Variants in PHLPP1 observed in about 807,000 individuals in gnomAD.
PHLPP1 encodes PH domain and leucine rich repeat protein phosphatase 1.
A neutral mutation model predicts 117.2 loss-of-function variants in PHLPP1; 42 were observed. That is an observed-to-expected ratio of 0.36 (90% CI 0.28 to 0.46). The LOEUF (loss-of-function observed/expected upper bound fraction) is 0.46. PHLPP1 is among the 20% of genes least tolerant of loss of function. The pLI, the probability that PHLPP1 is intolerant of heterozygous loss-of-function variation, is 1.00. For synonymous variants in PHLPP1, 1,042 were observed against 970.7 expected, an observed-to-expected ratio of 1.07 and a Z score of -1.37; for missense variants, 2,084 against 2,241.9, an observed-to-expected ratio of 0.93 and a Z score of 1.42.
At chr18:62,869,604 C>G (rs1915850003) in intron 4 of PHLPP1, among the ~76,000 whole-genome samples, 2 of 152,066 alleles carry the variant, frequency 1.3e-5, no homozygotes, top group Non-Finnish European at 2.9e-5. Flanking sequence ...TGTTTGAGTC[C>G]AGCTTCTTTC....
In PHLPP1 at chr18:62,881,412, A is replaced by G. The variant is rs142558183; in HGVS notation, c.2067-13599A>G. Among the ~76,000 whole-genome samples, 165 of 152,202 alleles carry G rather than the reference A, an allele frequency of 1.1e-3. 2 individuals carry two copies. Among genetic ancestry groups the G allele is most frequent in the African/African-American group, 3.8e-3 (157 of 41,532 alleles). On this transcript the variant is annotated intron_variant, in intron 4 of 16. Coordinates refer to ENST00000262719, the MANE Select transcript of PHLPP1 (RefSeq NM_194449.4). ...AAATTATGAGTTTTAGCTTTGGTAA[A>G]TTTATTCTGATTTTCAACATCTGTA...
chr18:62,829,528 G>A (rs1022161804), intron 1 of PHLPP1, among the ~76,000 whole-genome samples: 1 of 152,146 alleles, frequency 6.6e-6, no homozygotes, highest in Non-Finnish European at 1.5e-5. Context: ...GAGGCGGGCG[G>A]ATCACCTGAG....
chr18:62,856,868 C>T (rs1033968762), intron 3 of PHLPP1, among the ~76,000 whole-genome samples: 5 of 151,526 alleles, frequency 3.3e-5, no homozygotes, highest in African/African-American at 4.9e-5. Context: ...GCACCACTCT[C>T]ACCAACCTAT....
At chr18:62,790,277 A>G (rs992536157) in intron 1 of PHLPP1, among the ~76,000 whole-genome samples, 3 of 152,220 alleles carry the variant, frequency 2.0e-5, no homozygotes, top group African/African-American at 7.2e-5. Context: ...GAATTTCAAT[A>G]AAACACGTGG....
In PHLPP1 at chr18:62,953,039, A is replaced by G. The variant is rs577398880; in HGVS notation, c.3325-5590A>G. Among the ~76,000 whole-genome samples, 11 of 152,358 alleles carry G rather than the reference A, an allele frequency of 7.2e-5. 1 individual carries two copies. Among genetic ancestry groups the G allele is most frequent in the African/African-American group, 1.2e-4 (5 of 41,590 alleles). On this transcript the variant is annotated intron_variant, in intron 12 of 16. Coordinates refer to ENST00000262719, the MANE Select transcript of PHLPP1 (RefSeq NM_194449.4). ...TTAATAAACCTACTTAGTTGTATCA[A>G]CATCCCACGTTAGTGATCACTTAGC...
chr18:62,965,182 A>G (rs1217651431), intron 14 of PHLPP1, among the ~76,000 whole-genome samples: 2 of 152,194 alleles, frequency 1.3e-5, no homozygotes, highest in African/African-American at 4.8e-5. Flanking sequence ...GGTTTTGCCA[A>G]TAAAAGTTTC....
At chr18:62,888,349 T>C (rs1019056462) in intron 4 of PHLPP1, among the ~76,000 whole-genome samples, 4 of 150,872 alleles carry the variant, frequency 2.7e-5, no homozygotes, top group African/African-American at 9.7e-5. Context: ...TTTTTTTTTC[T>C]TTTTAAAACC....
intron 1 of PHLPP1, among the ~76,000 whole-genome samples, chr18:62,754,126 A>G (rs1195561907): frequency 6.6e-6 from 1 of 152,146 alleles, no homozygotes; most frequent in Non-Finnish European, 1.5e-5. Context: ...GGAAGTTGCC[A>G]TTGTACTTTG....
In PHLPP1 at chr18:62,734,612, G is replaced by A. The variant is rs545265887; in HGVS notation, c.1576+17353G>A. Among the ~76,000 whole-genome samples the A allele has an allele frequency of 2.0e-5, 3 of 152,108 alleles. No individual in the cohort carries two copies. In the East Asian group the frequency reaches 5.8e-4, roughly 29 times the overall value. ...GTTTTATAATTATGAGAAACACCAT[G>A]GTAACAAAAAAAATTATTTCAGCCT... On this transcript the variant is annotated intron_variant, in intron 1 of 16. Coordinates refer to ENST00000262719, the MANE Select transcript of PHLPP1 (RefSeq NM_194449.4).
At chr18:62,894,897 T>C in intron 4 of PHLPP1, 114 bp from the exon 5 acceptor site, 1 of 871,670 alleles carries the variant, frequency 1.1e-6, no homozygotes, top group Non-Finnish European at 1.8e-6. Flanking sequence ...GGCCCCCATT[T>C]CCTCTTTAGT....
At chr18:62,887,672 C>T (rs540297673) in intron 4 of PHLPP1, among the ~76,000 whole-genome samples, 6 of 152,290 alleles carry the variant, frequency 3.9e-5, no homozygotes, top group African/African-American at 9.6e-5. Context: ...TCCTAAAGAC[C>T]GTACCTCTTA....
At chr18:62,725,660 T>TA (rs1430367458) in intron 1 of PHLPP1, among the ~76,000 whole-genome samples, 1 of 152,290 alleles carries the variant, frequency 6.6e-6, no homozygotes, top group East Asian at 1.9e-4. Context: ...GAGAAAGAAA[T>TA]ATCCTGCTCT....
At chr18:62,794,760 T>A (rs1327898918) in intron 1 of PHLPP1, among the ~76,000 whole-genome samples, 1 of 152,212 alleles carries the variant, frequency 6.6e-6, no homozygotes, top group African/African-American at 2.4e-5. Context: ...TTTGTAGATT[T>A]ATTGTTGACC....
intron 3 of PHLPP1, among the ~76,000 whole-genome samples, chr18:62,849,881 T>C (rs1482123586): frequency 7.1e-6 from 1 of 140,304 alleles, no homozygotes; most frequent in Non-Finnish European, 1.5e-5. Flanking sequence ...TTAGGATTTT[T>C]TGAGTCCCCA....
chr18:62,930,923 C>T (rs1909787534), intron 10 of PHLPP1, among the ~76,000 whole-genome samples: 1 of 152,146 alleles, frequency 6.6e-6, no homozygotes, highest in Non-Finnish European at 1.5e-5. Context: ...GGTGCGGTGG[C>T]TCATGCCTGT....
At chr18:62,924,593 G>T (rs1168051354) in intron 10 of PHLPP1, among the ~76,000 whole-genome samples, 1 of 150,948 alleles carries the variant, frequency 6.6e-6, no homozygotes, top group Non-Finnish European at 1.5e-5. Flanking sequence ...CAGAACTTTG[G>T]GAGGCCAACA....
intron 1 of PHLPP1, among the ~76,000 whole-genome samples, chr18:62,764,087 C>T (rs534584225): frequency 1.4e-5 from 2 of 147,544 alleles, no homozygotes; most frequent in South Asian, 4.6e-4. Flanking sequence ...CGCTTGAACC[C>T]GGCAGGCGGA....
At chr18:62,891,302 T>G (rs73468172) in intron 4 of PHLPP1, among the ~76,000 whole-genome samples, 4,539 of 152,224 alleles carry the variant, frequency 0.03, 247 homozygotes, top group African/African-American at 0.1. Flanking sequence ...AACTAAGAAA[T>G]ATAGGCTGGG....
At chr18:62,779,827 G>A (rs1452773000) in intron 1 of PHLPP1, among the ~76,000 whole-genome samples, 2 of 152,154 alleles carry the variant, frequency 1.3e-5, no homozygotes, top group Non-Finnish European at 1.5e-5. Flanking sequence ...ACTTGCTGAA[G>A]TATCATCAGG....
Sources: allele counts gnomAD v4.1 joint callset (sites outside exome capture counted in the v4.1 genomes callset), GRCh38; gene constraint gnomAD v4.1.1; transcripts MANE v1.5; gene names NCBI Gene and HGNC (gene_info 2026-07-23, HGNC 2026-07-21).